Variants in TMEM217 observed in about 807,000 individuals in gnomAD.
The protein encoded by TMEM217 is transmembrane protein 217, also known as chromosome 6 open reading frame 128.
For missense variants in TMEM217, 204 were observed against 248.8 expected, an observed-to-expected ratio of 0.82 and a Z score of 1.21; for synonymous variants, 76 against 88.3, an observed-to-expected ratio of 0.86 and a Z score of 0.78.
intron 1 of TMEM217, among the ~76,000 whole-genome samples, chr6:37,220,835 C>T (rs1763467429): frequency 6.6e-6 from 1 of 152,086 alleles, no homozygotes. Flanking sequence ...AATGGAACTG[C>T]AGTAATATCT....
At chr6:37,257,850 C>A in exon 1 of TMEM217, 1 of 1,553,750 alleles carries the variant, frequency 6.4e-7, no homozygotes, top group South Asian at 1.2e-5. Context: ...CCTCAGATTG[C>A]GGGGTCTGGG....
chr6:37,235,021 G>T (rs983525302), intron 1 of TMEM217, among the ~76,000 whole-genome samples: 6 of 152,130 alleles, frequency 3.9e-5, no homozygotes, highest in Non-Finnish European at 7.3e-5. Context: ...CCTTATGCTG[G>T]TGTGGCTTTT....
rs777162898 is a variant in TMEM217 at position 37,257,723 on chromosome 6, C to T, written c.-167G>A. The T allele has an allele frequency of 1.7e-4, 98 of 587,192 alleles. No individual in the cohort carries two copies. The highest frequency in any genetic ancestry group is 4.1e-4 in the Admixed American group (12 of 29,200). The allele number at this position is 587,192 out of a possible 1,614,324, so 36.4% of individuals were successfully genotyped here. A position where few individuals can be genotyped will look rare whatever the true frequency, so the allele number is the denominator to read the frequency against. On this transcript the variant is annotated 5_prime_UTR_variant, in exon 1 of 2. It adds an upstream start codon to the 5' untranslated region. Transcript: ENST00000357219. ...GGCTCCCAATTGGTCGGCCCGTCCA[C>T]GGCTTGCGCAGCTCACCAATGGCAG...
downstream of TMEM217, among the ~76,000 whole-genome samples, chr6:37,213,910 G>A (rs768796908): frequency 6.6e-6 from 1 of 152,218 alleles, no homozygotes; most frequent in Non-Finnish European, 1.5e-5. Flanking sequence ...AAGGGGCACA[G>A]TCACACATTA....
chr6:37,254,005 A>G (rs58277176), intron 1 of TMEM217, among the ~76,000 whole-genome samples: 4,907 of 152,208 alleles, frequency 0.032, 250 homozygotes, highest in African/African-American at 0.11. Context: ...TGAGGGGGGG[A>G]AAGTAAAAAC....
exon 2 of TMEM217, chr6:37,218,267 C>G (rs1763327733): frequency 8.0e-7 from 1 of 1,243,758 alleles, no homozygotes; most frequent in African/African-American, 1.5e-5. Context: ...CCTCCCAGGT[C>G]AAGTGATTCT....
intron 1 of TMEM217, among the ~76,000 whole-genome samples, chr6:37,228,762 C>T (rs1281107613): frequency 6.6e-6 from 1 of 151,718 alleles, no homozygotes; most frequent in Admixed American, 6.6e-5. Context: ...CTTTGGGAGG[C>T]CGAGGCAGGC....
intron 1 of TMEM217, among the ~76,000 whole-genome samples, chr6:37,230,407 A>G (rs570232243): frequency 6.6e-6 from 1 of 152,330 alleles, no homozygotes; most frequent in East Asian, 1.9e-4. Context: ...AGGGATTTCA[A>G]TTCTATGTTG....
intron 1 of TMEM217, among the ~76,000 whole-genome samples, chr6:37,246,849 G>GCCATGATT (rs1765111798): frequency 2.0e-5 from 3 of 151,356 alleles, no homozygotes; most frequent in Non-Finnish European, 4.4e-5. Flanking sequence ...GCCGCAGTGA[G>GCCATGATT]CCATGATTGT....
chr6:37,252,495 T>TATGCATATATATATGCACACACAC (rs1397690312), intron 1 of TMEM217, among the ~76,000 whole-genome samples: 3 of 151,004 alleles, frequency 2.0e-5, no homozygotes, highest in Non-Finnish European at 4.4e-5. Flanking sequence ...CATATACATG[T>TATGCATATATATATGCACACACAC]ATGCATATAT....
chr6:37,215,106 A>C (rs1583422853), downstream of TMEM217: 2 of 1,531,918 alleles, frequency 1.3e-6, no homozygotes, highest in East Asian at 4.7e-5. Flanking sequence ...CACCCTCGGC[A>C]CCTCTCTCTT....
chr6:37,219,139 T>C lies in TMEM217; in HGVS notation c.-11-98A>G, dbSNP rs1763385156. 3.6e-6 allele frequency: 4 copies of C among 1,103,462 alleles called. No homozygotes were observed. The East Asian group carries it at 9.5e-5, about 26-fold the overall frequency. 68.4% of individuals were successfully genotyped at this position (1,103,462 alleles called of 1,614,324 possible). ...CTTCCCCAAATCTACTTTGGAGAAA[T>C]ATAGACAGAAATACGAAAACTGGGA... On this transcript the variant is annotated intron_variant, in intron 1 of 1. Coordinates refer to ENST00000357219, the Ensembl canonical transcript of TMEM217.
intron 1 of TMEM217, among the ~76,000 whole-genome samples, chr6:37,227,568 T>A (rs1023592028): frequency 4.6e-5 from 7 of 152,170 alleles, no homozygotes; most frequent in Non-Finnish European, 8.8e-5. Context: ...TGCCTCAGCC[T>A]CCCAAGTAGC....
In TMEM217 at chr6:37,247,391, T is replaced by C. The variant is rs1358300066; in HGVS notation, c.-12+10177A>G. On this transcript the variant is annotated intron_variant, in intron 1 of 1. Transcript: ENST00000357219. ...TCAATAAAGGGCGAACTTTTTTACTTTTTTTTTTTTTTTTTGAGATGGAGT... is the reference window on the plus strand; with the variant it reads ...TCAATAAAGGGCGAACTTTTTTACTCTTTTTTTTTTTTTTTGAGATGGAGT... 5.1e-3 allele frequency among the ~76,000 whole-genome samples: 9 copies of C among 1,766 alleles called. No individual in the cohort carries two copies. The African/African-American group carries it at 0.09, about 18-fold the overall frequency. The allele number at this position is 1,766 out of a possible 152,430, so 1.2% of individuals were successfully genotyped here. A position where few individuals can be genotyped will look rare whatever the true frequency, so the allele number is the denominator to read the frequency against.
chr6:37,250,692 T>G (rs974677824), intron 1 of TMEM217, among the ~76,000 whole-genome samples: 1 of 152,256 alleles, frequency 6.6e-6, no homozygotes, highest in Non-Finnish European at 1.5e-5. Context: ...CTCTCAGGCG[T>G]GCGTGTGCAC....
At chr6:37,215,711 G>T (rs996812892), downstream of TMEM217, among the ~76,000 whole-genome samples, 4 of 152,030 alleles carry the variant, frequency 2.6e-5, no homozygotes, top group Admixed American at 2.6e-4. Context: ...CATTGGATGA[G>T]AATCAGGGGA....
intron 1 of TMEM217, among the ~76,000 whole-genome samples, chr6:37,237,317 C>T (rs1290723600): frequency 6.6e-6 from 1 of 152,142 alleles, no homozygotes; most frequent in African/African-American, 2.4e-5. Context: ...CATTCTCTGC[C>T]TCCCTCAGTC....
At chr6:37,251,235 A>G (rs2113924160) in intron 1 of TMEM217, among the ~76,000 whole-genome samples, 1 of 152,294 alleles carries the variant, frequency 6.6e-6, no homozygotes, top group South Asian at 2.1e-4. Flanking sequence ...ACAGGAAACA[A>G]GGTTTGAGGG....
intron 1 of TMEM217, among the ~76,000 whole-genome samples, chr6:37,249,372 T>G (rs1404926739): frequency 1.3e-5 from 2 of 152,114 alleles, no homozygotes; most frequent in African/African-American, 4.8e-5. Flanking sequence ...TACGTTGGAG[T>G]GCAGTGGTGC....
Sources: allele counts gnomAD v4.1 joint callset (sites outside exome capture counted in the v4.1 genomes callset), GRCh38; gene constraint gnomAD v4.1.1; transcripts MANE v1.5; gene names NCBI Gene and HGNC (gene_info 2026-07-23, HGNC 2026-07-21).